Variants in TTC39B observed in about 807,000 individuals in gnomAD.
TTC39B encodes the protein tetratricopeptide repeat protein 39B.
Under a neutral mutation model 96.6 loss-of-function variants are expected in TTC39B, and 92 were observed. The ratio of observed to expected loss-of-function variants is 0.95; its 90% CI spans 0.80 to 1.13. TTC39B has a LOEUF of 1.13. Ranked by LOEUF, TTC39B falls within the 50% of genes most tolerant of loss-of-function variation. The probability of loss-of-function intolerance (pLI) is 0.00; values close to 1 mark genes in which losing one functional copy is unlikely to be tolerated. For missense variants in TTC39B, 955 were observed against 809.3 expected (o/e 1.18, Z -2.18); for synonymous variants, 367 against 299.4 (o/e 1.23, Z -2.33).
intron 2 of TTC39B, chr9:15,250,279 C>A: frequency 1.1e-6 from 1 of 906,426 alleles, no homozygotes. Flanking sequence ...TAATTCTAAT[C>A]CATCACTGTT....
chr9:15,179,667 T>C (rs1197281873), intron 17 of TTC39B, among the ~76,000 whole-genome samples: 1 of 152,176 alleles, frequency 6.6e-6, no homozygotes, highest in Non-Finnish European at 1.5e-5. Flanking sequence ...AAAGGGTCCA[T>C]ATTGGATGCT....
chr9:15,208,240 G>A (rs376419345), intron 6 of TTC39B, among the ~76,000 whole-genome samples: 2 of 151,616 alleles, frequency 1.3e-5, no homozygotes, highest in African/African-American at 2.4e-5. Flanking sequence ...GGCCAGGCTC[G>A]TCTGTAACTC....
In TTC39B at chr9:15,249,916, A is replaced by C. The variant is rs535086201; in HGVS notation, c.275+17998T>G. ...ACTGCTAAATAAATATGACATACTC[A>C]CAGATTTAGAGCAGCTGTAACTTTG... On this transcript the variant is annotated intron_variant, in intron 2 of 19. Transcript: ENST00000512701. The C allele has an allele frequency of 3.9e-5, 49 of 1,266,700 alleles. No homozygotes were observed. In the South Asian group the frequency reaches 6.1e-4, roughly 16 times the overall value. The allele number at this position is 1,266,700 out of a possible 1,614,324, so 78.5% of individuals were successfully genotyped here. A position where few individuals can be genotyped will look rare whatever the true frequency, so the allele number is the denominator to read the frequency against.
chr9:15,216,711 T>A (rs528561639), intron 3 of TTC39B, among the ~76,000 whole-genome samples: 1 of 152,276 alleles, frequency 6.6e-6, no homozygotes, highest in East Asian at 1.9e-4. Context: ...GTCCCCCTCA[T>A]CAAATATTTG....
chr9:15,176,337 T>C (rs916803664), intron 18 of TTC39B, among the ~76,000 whole-genome samples: 1 of 152,244 alleles, frequency 6.6e-6, no homozygotes, highest in South Asian at 2.1e-4. Context: ...TTAATCCTTA[T>C]AGAAACACTA....
chr9:15,176,017 T>C (rs533980826), intron 18 of TTC39B, among the ~76,000 whole-genome samples: 16 of 152,312 alleles, frequency 1.1e-4, no homozygotes, highest in African/African-American at 3.6e-4. Flanking sequence ...AGGAAATCAA[T>C]AACCAATAGG....
rs953179757 is a variant in TTC39B at position 15,249,919 on chromosome 9, G to C, written c.275+17995C>G. ...GCTAAATAAATATGACATACTCACA[G>C]ATTTAGAGCAGCTGTAACTTTGGAG... On this transcript the variant is annotated intron_variant, in intron 2 of 19. Coordinates refer to ENST00000512701, the Ensembl canonical transcript of TTC39B. 6 of 1,274,860 alleles carry C rather than the reference G, an allele frequency of 4.7e-6. No individual in the cohort carries two copies. The African/African-American group carries it at 6.2e-5, about 13-fold the overall frequency. The allele number at this position is 1,274,860 out of a possible 1,614,324, so 79.0% of individuals were successfully genotyped here. A position where few individuals can be genotyped will look rare whatever the true frequency, so the allele number is the denominator to read the frequency against.
Position 15,214,103 on chromosome 9 carries a change from A to G in TTC39B, c.482+36T>C, listed in dbSNP as rs368126858. On this transcript the variant is annotated intron_variant, in intron 4 of 19. Transcript: ENST00000512701. The stretch of plus-strand genomic sequence containing the variant: ...ATCAAAGAATCATCAGAAACATCTG[A>G]AAGATATTTTATCTAAAAGAGACAA... 4.8e-6 allele frequency: 7 copies of G among 1,459,754 alleles called. No individual in the cohort carries two copies. The African/African-American group carries it at 7.0e-5, about 15-fold the overall frequency. The allele number at this position is 1,459,754 out of a possible 1,614,324, so 90.4% of individuals were successfully genotyped here.
At chr9:15,268,080 C>A in intron 1 of TTC39B, 132 bp from the exon 2 acceptor site, 1 of 666,940 alleles carries the variant, frequency 1.5e-6, no homozygotes, top group Non-Finnish European at 2.5e-6. Flanking sequence ...GCAGTAGAAT[C>A]AATCAACTTA....
intron 17 of TTC39B, among the ~76,000 whole-genome samples, chr9:15,179,700 C>A (rs894660849): frequency 3.3e-5 from 5 of 152,146 alleles, no homozygotes; most frequent in Non-Finnish European, 7.3e-5. Context: ...CATTTTTGTG[C>A]ATTCTACTGA....
chr9:15,284,033 A>C (rs1204946821), intron 1 of TTC39B, among the ~76,000 whole-genome samples: 1 of 152,224 alleles, frequency 6.6e-6, no homozygotes, highest in Non-Finnish European at 1.5e-5. Context: ...AAAATAATTA[A>C]GGCACTTTAA....
chr9:15,293,336 C>T (rs985557156), intron 1 of TTC39B, among the ~76,000 whole-genome samples: 2 of 152,142 alleles, frequency 1.3e-5, no homozygotes, highest in Non-Finnish European at 2.9e-5. Context: ...AGAGCATATA[C>T]TCATGTAATG....
chr9:15,198,461 A>AATATATATATAT (rs61517681), intron 8 of TTC39B, among the ~76,000 whole-genome samples: 5 of 117,320 alleles, frequency 4.3e-5, no homozygotes, highest in Admixed American at 1.8e-4. Context: ...CGGTCGCAAA[A>AATATATATATAT]ATATATATAT....
chr9:15,214,347 T>TGC, intron 3 of TTC39B, 98 bp from the exon 4 acceptor site: 1 of 706,730 alleles, frequency 1.4e-6, no homozygotes, highest in Non-Finnish European at 2.3e-6. Flanking sequence ...TGTGTGTGTG[T>TGC]CTGTGTGTGT....
At position 15,277,855 on chromosome 9, in the gene TTC39B, G is replaced by A. The variant is rs538509220; in HGVS notation, c.241-9907C>T. On this transcript the variant is annotated intron_variant, in intron 1 of 19. Transcript: ENST00000512701. ...CTGAGGTTTTCAAAGTTCAAGCCACGTCAATGGGACTAACTTGATTCTCAA... is the reference window on the plus strand; with the variant it reads ...CTGAGGTTTTCAAAGTTCAAGCCACATCAATGGGACTAACTTGATTCTCAA... 5.3e-5 allele frequency among the ~76,000 whole-genome samples: 8 copies of A among 152,306 alleles called. No homozygotes were observed. The East Asian group carries it at 5.8e-4, about 11-fold the overall frequency.
chr9:15,299,372 AAGATGCATGATGGCATT>A (rs1219478878), intron 1 of TTC39B, among the ~76,000 whole-genome samples: 2 of 152,234 alleles, frequency 1.3e-5, no homozygotes, highest in African/African-American at 4.8e-5. Context: ...TAAAGAGCTG[AAGATGCATGATGGCATT>A]AGGAACTGCC....
At chr9:15,253,531 T>A (rs933856616) in intron 2 of TTC39B, among the ~76,000 whole-genome samples, 12 of 152,222 alleles carry the variant, frequency 7.9e-5, no homozygotes, top group African/African-American at 2.9e-4. Flanking sequence ...TCCAGAACTG[T>A]AAGAAAATAA....
At chr9:15,212,497 C>A (rs1249242958) in intron 4 of TTC39B, among the ~76,000 whole-genome samples, 1 of 152,230 alleles carries the variant, frequency 6.6e-6, no homozygotes, top group Non-Finnish European at 1.5e-5. Flanking sequence ...ACAATCTCGG[C>A]TCACCACAAC....
intron 2 of TTC39B, among the ~76,000 whole-genome samples, chr9:15,241,746 T>A (rs905128392): frequency 6.0e-5 from 9 of 149,710 alleles, no homozygotes; most frequent in Non-Finnish European, 1.0e-4. Flanking sequence ...TTAACTCTTT[T>A]TTTTTTTTTT....
Sources: allele counts gnomAD v4.1 joint callset (sites outside exome capture counted in the v4.1 genomes callset), GRCh38; gene constraint gnomAD v4.1.1; transcripts MANE v1.5; gene names NCBI Gene and HGNC (gene_info 2026-07-23, HGNC 2026-07-21).